Variants in CRPPA observed in about 807,000 individuals in gnomAD.
CRPPA encodes the protein D-ribitol-5-phosphate cytidylyltransferase.
Under a neutral mutation model 52.0 loss-of-function variants are expected in CRPPA, and 43 were observed. That is an observed-to-expected ratio of 0.83 (90% CI 0.65 to 1.07). CRPPA has a LOEUF of 1.07. Ranked by LOEUF, CRPPA falls within the 50% of genes least tolerant of loss-of-function variation. The pLI, the probability that CRPPA is intolerant of heterozygous loss-of-function variation, is 0.00. For synonymous variants in CRPPA, 250 were observed against 203.5 expected, an observed-to-expected ratio of 1.23 and a Z score of -1.94; for missense variants, 629 against 551.7, an observed-to-expected ratio of 1.14 and a Z score of -1.40.
chr7:16,243,712 T>C (rs931458048), intron 8 of CRPPA, among the ~76,000 whole-genome samples: 2 of 152,146 alleles, frequency 1.3e-5, no homozygotes, highest in African/African-American at 4.8e-5. Flanking sequence ...ACGTCTGTAA[T>C]CCCAACACTT....
chr7:16,374,136 G>A (rs10258090), intron 3 of CRPPA, among the ~76,000 whole-genome samples: 4,091 of 152,154 alleles, frequency 0.027, 196 homozygotes, highest in African/African-American at 0.092. Flanking sequence ...CATTTGAGTC[G>A]GTGGACTGGG....
chr7:16,349,989 T>G (rs1467300245), intron 3 of CRPPA, among the ~76,000 whole-genome samples: 4 of 152,000 alleles, frequency 2.6e-5, no homozygotes, highest in Admixed American at 2.6e-4. Context: ...AGACAGAATC[T>G]TGAAAGCAGC....
intron 5 of CRPPA, among the ~76,000 whole-genome samples, chr7:16,288,930 G>C (rs1163624965): frequency 6.7e-6 from 1 of 149,480 alleles, no homozygotes; most frequent in African/African-American, 2.5e-5. Context: ...AATGAAGTTT[G>C]GTTGTAAACC....
intron 3 of CRPPA, among the ~76,000 whole-genome samples, chr7:16,368,815 G>A (rs141508691): frequency 1.3e-3 from 197 of 152,062 alleles, no homozygotes; most frequent in East Asian, 5.2e-3. Context: ...CCTTACACAC[G>A]GATCTTTGCC....
At chr7:16,411,332 C>A (rs1319661768) in intron 1 of CRPPA, among the ~76,000 whole-genome samples, 1 of 152,020 alleles carries the variant, frequency 6.6e-6, no homozygotes, top group Non-Finnish European at 1.5e-5. Flanking sequence ...AAATAATGCA[C>A]CAATACTGTC....
At chr7:16,161,942 C>T (rs183577896) in intron 9 of CRPPA, among the ~76,000 whole-genome samples, 25 of 152,172 alleles carry the variant, frequency 1.6e-4, no homozygotes, top group African/African-American at 5.1e-4. Flanking sequence ...GGAATGTATC[C>T]GTTTCTTCTA....
intron 5 of CRPPA, among the ~76,000 whole-genome samples, chr7:16,292,014 A>G (rs2128420862): frequency 6.6e-6 from 1 of 152,044 alleles, no homozygotes; most frequent in African/African-American, 2.4e-5. Flanking sequence ...GTGGAAATGT[A>G]CTTGTTACAT....
rs60536005 is a variant in CRPPA at position 16,405,872 on chromosome 7, T to C, written c.534+189A>G. 1.0e-3 allele frequency among the ~76,000 whole-genome samples: 158 copies of C among 152,350 alleles called. 1 individual carries two copies. Among genetic ancestry groups the C allele is most frequent in the African/African-American group, 3.6e-3 (148 of 41,586 alleles). ...CTCATATCACATTATGGTAGATGAC[T>C]ATAGCAAAAGATATGTTCCAGAACA... On this transcript the variant is annotated intron_variant, in intron 2 of 9. Transcript: ENST00000407010.
intron 9 of CRPPA, among the ~76,000 whole-genome samples, chr7:16,197,178 G>A (rs1170550843): frequency 6.6e-6 from 1 of 152,138 alleles, no homozygotes; most frequent in Non-Finnish European, 1.5e-5. Flanking sequence ...ACACACCTGG[G>A]AATCAGGGTG....
chr7:16,211,931 G>C (rs1782158183), intron 9 of CRPPA, among the ~76,000 whole-genome samples: 1 of 152,080 alleles, frequency 6.6e-6, no homozygotes, highest in African/African-American at 2.4e-5. Context: ...GTTTATACTT[G>C]TGATACAAGA....
intron 2 of CRPPA, among the ~76,000 whole-genome samples, chr7:16,382,955 G>A (rs1787151616): frequency 6.6e-6 from 1 of 152,108 alleles, no homozygotes; most frequent in African/African-American, 2.4e-5. Context: ...CTGTACCTCG[G>A]AGTAGTTTGA....
At chr7:16,233,712 T>A (rs374424283) in intron 8 of CRPPA, among the ~76,000 whole-genome samples, 2 of 152,276 alleles carry the variant, frequency 1.3e-5, no homozygotes, top group East Asian at 3.9e-4. Flanking sequence ...CATGCTTTCA[T>A]AATCGGGTAC....
chr7:16,214,408 A>G (rs1264361329), intron 9 of CRPPA, among the ~76,000 whole-genome samples: 2 of 152,312 alleles, frequency 1.3e-5, no homozygotes, highest in East Asian at 1.9e-4. Flanking sequence ...TAACTGCACT[A>G]TGTGACAATA....
At chr7:16,225,992 A>G (rs1467159984) in intron 8 of CRPPA, among the ~76,000 whole-genome samples, 1 of 152,044 alleles carries the variant, frequency 6.6e-6, no homozygotes, top group East Asian at 1.9e-4. Context: ...CATGACCAAG[A>G]TGCCTGTAAG....
intron 2 of CRPPA, among the ~76,000 whole-genome samples, chr7:16,387,062 TATATATATATATATATATATATATACAC>T (rs199803280): frequency 0.045 from 3,431 of 77,020 alleles, 107 homozygotes; most frequent in East Asian, 0.16. Flanking sequence ...TATATATATA[TATATATATATATATATATATATATACAC>T]ACATATATAT....
At chr7:16,165,568 C>T (rs979367266) in intron 9 of CRPPA, among the ~76,000 whole-genome samples, 3 of 152,216 alleles carry the variant, frequency 2.0e-5, no homozygotes, top group African/African-American at 7.2e-5. Context: ...GGAAACACCA[C>T]ACATGAGGAG....
intron 2 of CRPPA, among the ~76,000 whole-genome samples, chr7:16,400,796 C>T (rs1485879409): frequency 6.6e-6 from 1 of 152,210 alleles, no homozygotes; most frequent in Non-Finnish European, 1.5e-5. Context: ...CCAACATATG[C>T]CCAACACATG....
intron 2 of CRPPA, among the ~76,000 whole-genome samples, chr7:16,397,858 G>A (rs1787651562): frequency 6.6e-6 from 1 of 152,206 alleles, no homozygotes; most frequent in African/African-American, 2.4e-5. Context: ...ATCATCACGT[G>A]ATCAACACGT....
chr7:16,129,502 T>G (rs143006660), intron 9 of CRPPA, among the ~76,000 whole-genome samples: 2 of 152,226 alleles, frequency 1.3e-5, no homozygotes, highest in African/African-American at 4.8e-5. Context: ...TTTTAGCACG[T>G]CTTTGTCCCA....
Sources: gnomAD v4.1 joint callset for allele counts (sites outside exome capture counted in the v4.1 genomes callset) on GRCh38, gnomAD v4.1.1 for gene constraint, MANE v1.5 for transcripts, NCBI Gene and HGNC (gene_info 2026-07-23, HGNC 2026-07-21) for gene names.